Variants in PMM2 observed in about 807,000 individuals in gnomAD.
PMM2 encodes mannose-6-phosphate isomerase.
A neutral mutation model predicts 33.2 loss-of-function variants in PMM2; 35 were observed. That is an observed-to-expected ratio of 1.06 (90% confidence interval 0.81 to 1.40). The LOEUF (loss-of-function observed/expected upper bound fraction) is 1.40. PMM2 is among the 40% of genes most tolerant of loss of function. The probability of loss-of-function intolerance (pLI) is 0.00; values close to 1 mark genes in which losing one functional copy is unlikely to be tolerated. For synonymous variants in PMM2, 153 were observed against 114.7 expected, an observed-to-expected ratio of 1.33 and a Z score of -2.13; for missense variants, 386 against 306.0, an observed-to-expected ratio of 1.26 and a Z score of -1.95.
In PMM2 at chr16:8,833,638, G is replaced by A. The variant is rs536588951; in HGVS notation, c.640-14086G>A. On this transcript the variant is annotated intron_variant, in intron 7 of 7. Transcript: ENST00000268261. ...AGAGTGGGAGAGATTAAGCTGAAGG[G>A]AGGTCTTGTGGTAAGGGGTGATATT... Among the ~76,000 whole-genome samples, 8 of 151,512 alleles carry A rather than the reference G, an allele frequency of 5.3e-5. No individual in the cohort carries two copies. The South Asian group carries it at 1.5e-3, about 28-fold the overall frequency.
intron 3 of PMM2, among the ~76,000 whole-genome samples, chr16:8,806,107 G>A (rs2060646234): frequency 6.6e-6 from 1 of 152,170 alleles, no homozygotes; most frequent in African/African-American, 2.4e-5. Context: ...AGCAGAAAAT[G>A]CTTTTGACTA....
chr16:8,802,193 C>G, intron 2 of PMM2: 1 of 472,142 alleles, frequency 2.1e-6, no homozygotes, highest in Admixed American at 2.3e-5. Flanking sequence ...TGGAATACTT[C>G]TTGCTTGTAC....
intron 7 of PMM2, among the ~76,000 whole-genome samples, chr16:8,830,725 C>T (rs149610241): frequency 1.3e-5 from 2 of 152,268 alleles, no homozygotes; most frequent in African/African-American, 4.8e-5. Flanking sequence ...CCAGAGGCTC[C>T]GTGGCTCCAA....
chr16:8,847,707 ACTTCGTGT>A lies in PMM2; in HGVS notation c.640-13_640-6del. The stretch of plus-strand genomic sequence containing the variant: ...CAGACGAGGGGGAGCCTTCATCTGT[ACTTCGTGT>A]CTTTCCAGGGTGGCAATGACCATGA... On this transcript the variant is annotated splice_polypyrimidine_tract_variant and intron_variant, in intron 7 of 7. Transcript: ENST00000268261. 1 of 1,589,516 alleles carries A rather than the reference ACTTCGTGT, an allele frequency of 6.3e-7. No homozygotes were observed. The highest frequency in any genetic ancestry group is 1.1e-5 in the South Asian group (1 of 90,584).
At chr16:8,832,233 G>A in intron 7 of PMM2, 1 of 985,404 alleles carries the variant, frequency 1.0e-6, no homozygotes, top group South Asian at 4.7e-5. Flanking sequence ...GGAGAGAAAG[G>A]AAGGCCTGAG....
intron 7 of PMM2, among the ~76,000 whole-genome samples, chr16:8,819,435 G>T (rs914601216): frequency 7.9e-5 from 12 of 152,302 alleles, no homozygotes; most frequent in African/African-American, 2.9e-4. Flanking sequence ...AGGTTACTGT[G>T]GGGGTGGGGA....
chr16:8,815,658 T>G (rs2060704042), intron 7 of PMM2, among the ~76,000 whole-genome samples: 1 of 152,220 alleles, frequency 6.6e-6, no homozygotes, highest in South Asian at 2.1e-4. Flanking sequence ...GATCCTGACT[T>G]CGTCCTTTTG....
intron 7 of PMM2, among the ~76,000 whole-genome samples, chr16:8,842,564 G>A (rs1182601090): frequency 6.6e-6 from 1 of 152,210 alleles, no homozygotes; most frequent in Non-Finnish European, 1.5e-5. Flanking sequence ...AACGCTGAAA[G>A]AAGCATCTTT....
intron 7 of PMM2, among the ~76,000 whole-genome samples, chr16:8,839,527 G>A (rs2060875479): frequency 6.6e-6 from 1 of 152,012 alleles, no homozygotes. Flanking sequence ...TTTCGGGGCT[G>A]GGTAAAAGTA....
intron 7 of PMM2, among the ~76,000 whole-genome samples, chr16:8,831,052 T>A (rs2060806641): frequency 6.6e-6 from 1 of 152,018 alleles, no homozygotes; most frequent in Non-Finnish European, 1.5e-5. Flanking sequence ...GGCAGGAGAA[T>A]CACTTGAACC....
In PMM2 at chr16:8,834,427, T is replaced by G. The variant is rs1273067104; in HGVS notation, c.640-13297T>G. 2.6e-5 allele frequency among the ~76,000 whole-genome samples: 4 copies of G among 151,918 alleles called. No homozygotes were observed. In the East Asian group the frequency reaches 7.7e-4, roughly 29 times the overall value. On this transcript the variant is annotated intron_variant, in intron 7 of 7. Transcript: ENST00000268261. ...TGTCTGACAGAAGGGAAGAAATGAC[T>G]GCGGTGGCCTTCTCAGACCCTGTAG...
At chr16:8,825,184 C>G (rs1169975139) in intron 7 of PMM2, among the ~76,000 whole-genome samples, 1 of 152,162 alleles carries the variant, frequency 6.6e-6, no homozygotes, top group Non-Finnish European at 1.5e-5. Flanking sequence ...GCGTGTGCCA[C>G]CACGCCTGGC....
At chr16:8,841,245 A>G (rs940157127) in intron 7 of PMM2, among the ~76,000 whole-genome samples, 2 of 151,212 alleles carry the variant, frequency 1.3e-5, no homozygotes, top group African/African-American at 4.8e-5. Flanking sequence ...TGACTAGTAA[A>G]GGCTGGTCCG....
At chr16:8,836,170 C>T (rs182834290) in intron 7 of PMM2, among the ~76,000 whole-genome samples, 6,247 of 151,786 alleles carry the variant, frequency 0.041, 229 homozygotes, top group Middle Eastern at 0.13. Context: ...GAGTGGGTAG[C>T]CTCCGTATTG....
chr16:8,838,495 G>A lies in PMM2; in HGVS notation c.640-9229G>A, dbSNP rs192558283. On this transcript the variant is annotated intron_variant, in intron 7 of 7. Coordinates refer to ENST00000268261, the MANE Select transcript of PMM2 (RefSeq NM_000303.3). ...GGGGTGGTATGGAGACAGAATGGGC[G>A]ATGTTTCTCAGGGCTGCTTCAAGCG... Among the ~76,000 whole-genome samples the A allele has an allele frequency of 1.7e-3, 259 of 152,030 alleles. 2 individuals carry two copies. Among genetic ancestry groups the A allele is most frequent in the African/African-American group, 2.3e-3 (95 of 41,504 alleles).
At chr16:8,829,134 A>G (rs1257940717) in intron 7 of PMM2, 1 of 152,216 alleles carries the variant, frequency 6.6e-6, no homozygotes, top group Non-Finnish European at 1.5e-5. Context: ...CACAGCACAG[A>G]GTGCACCAGA....
At position 8,817,646 on chromosome 16, in the gene PMM2, T is replaced by C. The variant is rs141725115; in HGVS notation, c.639+4540T>C. Among the ~76,000 whole-genome samples the C allele has an allele frequency of 2.8e-4, 43 of 152,332 alleles. 1 individual carries two copies. Among genetic ancestry groups the C allele is most frequent in the African/African-American group, 9.1e-4 (38 of 41,584 alleles). ...CCATGCCTGGATTCTATTTTTAAAA[T>C]CTTACCTACGTTTTAAAAAATGAGT... On this transcript the variant is annotated intron_variant, in intron 7 of 7. Transcript: ENST00000268261.
In PMM2 at chr16:8,797,841, C is replaced by T. The variant is rs1344836955; in HGVS notation, c.-42C>T. 1.3e-6 allele frequency: 2 copies of T among 1,599,200 alleles called. No individual in the cohort carries two copies. The highest frequency in any genetic ancestry group is 1.7e-6 in the Non-Finnish European group (2 of 1,172,038). ...CCCGGAAGTTCCGGGCCGAGTTCCTCGTGCCAACGTGTCTTGTAAGGTGCG... is the reference window on the plus strand; with the variant it reads ...CCCGGAAGTTCCGGGCCGAGTTCCTTGTGCCAACGTGTCTTGTAAGGTGCG... On this transcript the variant is annotated 5_prime_UTR_variant, in exon 1 of 8. Coordinates refer to ENST00000268261, the MANE Select transcript of PMM2 (RefSeq NM_000303.3).
At chr16:8,838,228 C>T (rs1002856693) in intron 7 of PMM2, among the ~76,000 whole-genome samples, 10 of 151,960 alleles carry the variant, frequency 6.6e-5, no homozygotes, top group African/African-American at 2.4e-4. Context: ...GGGGAGATTA[C>T]AAAGTACATT....
Sources: allele counts gnomAD v4.1 joint callset (sites outside exome capture counted in the v4.1 genomes callset), GRCh38; gene constraint gnomAD v4.1.1; transcripts MANE v1.5; gene names NCBI Gene and HGNC (gene_info 2026-07-23, HGNC 2026-07-21).